MYL6B: variants seen among roughly 807,000 people sequenced by gnomAD.
MYL6B encodes myosin light chain 6B.
Under a neutral mutation model 24.5 loss-of-function variants are expected in MYL6B, and 19 were observed. The ratio of observed to expected loss-of-function variants is 0.78; its 90% CI spans 0.54 to 1.14. The LOEUF (loss-of-function observed/expected upper bound fraction) is 1.14, where lower values mean the gene tolerates loss of function less well. Ranked by LOEUF, MYL6B falls within the 50% of genes most tolerant of loss-of-function variation. The pLI is 0.00. For synonymous variants in MYL6B, 90 were observed against 100.7 expected (o/e 0.89, Z 0.64); for missense variants, 230 against 263.8 (o/e 0.87, Z 0.89).
exon 4 of MYL6B, chr12:56,155,155 C>T (rs1355560307): frequency 6.2e-7 from 1 of 1,613,748 alleles, no homozygotes; most frequent in African/African-American, 1.3e-5. Flanking sequence ...AGAACCCCAC[C>T]AACGCCGAGG....
At chr12:56,155,771 G>T (rs1258583780) in intron 5 of MYL6B, 179 bp downstream of exon 5, 2 of 1,520,982 alleles carry the variant, frequency 1.3e-6, no homozygotes, top group Admixed American at 4.1e-5. Context: ...TCTTCCAGAG[G>T]CTAAAGTGCC....
intron 5 of MYL6B, chr12:56,156,177 G>A (rs927692089): frequency 5.1e-5 from 13 of 254,974 alleles, no homozygotes; most frequent in Admixed American, 2.7e-4. Flanking sequence ...ATGGTGGCAC[G>A]CACCTATAAT....
intron 5 of MYL6B, chr12:56,156,163 G>A (rs1292396603): frequency 2.2e-5 from 7 of 315,190 alleles, no homozygotes; most frequent in Non-Finnish European, 3.3e-5. Flanking sequence ...AAAACTAGGC[G>A]GGCATGGTGG....
chr12:56,157,741 G>C lies in MYL6B; in HGVS notation c.*15G>C, dbSNP rs1450999852. On this transcript the variant is annotated 3_prime_UTR_variant, in exon 7 of 7. Transcript: ENST00000553066. Reference sequence around the variant, plus strand: ...TAAGCGTCTGAGTGCTGCAGGTAGGGCCCTCCCACCCCTTCGCCGCGCCTT... The same window carrying C: ...TAAGCGTCTGAGTGCTGCAGGTAGGCCCCTCCCACCCCTTCGCCGCGCCTT... 1 of 1,610,626 alleles carries C rather than the reference G, an allele frequency of 6.2e-7. No homozygotes were observed. Among genetic ancestry groups the C allele is most frequent in the Admixed American group, 1.7e-5 (1 of 59,988 alleles).
At chr12:56,153,374 G>A (rs1291958148) in intron 1 of MYL6B, 3 of 967,850 alleles carry the variant, frequency 3.1e-6, no homozygotes, top group Non-Finnish European at 3.7e-6. Context: ...AGACTCTAAG[G>A]TTAACTACCC....
exon 7 of MYL6B, chr12:56,157,799 A>G (rs2136909037): frequency 6.4e-7 from 1 of 1,565,338 alleles, no homozygotes; most frequent in African/African-American, 1.3e-5. Flanking sequence ...CTCTCAGCCA[A>G]CATAGAAAAG....
chr12:56,153,706 G>C (rs1324136039), intron 1 of MYL6B, 167 bp from the exon 2 acceptor site: 2 of 513,694 alleles, frequency 3.9e-6, no homozygotes, highest in African/African-American at 3.8e-5. Flanking sequence ...GGGGATAAGG[G>C]GACAGAGGGA....
At position 56,153,952 on chromosome 12, in the gene MYL6B, C is replaced by T. The variant is rs369173384; in HGVS notation, c.34C>T (p.Pro12Ser). The T allele has an allele frequency of 2.0e-5, 32 of 1,613,664 alleles. No homozygotes were observed. The African/African-American group carries it at 3.9e-4, about 20-fold the overall frequency. The change falls in exon 2 of 7, where the codon CCA becomes TCA. Residue 12 changes from proline (P) to serine (S), a missense_variant. Coordinates refer to ENST00000553066, the Ensembl canonical transcript of MYL6B. ...CAAGAAGGATGTTCCCGTGAAGAAA[C>T]CAGCAGGGCCCTCCATCTCCAAACC...
intron 5 of MYL6B, chr12:56,155,844 T>TGTGGGTTGTGTGTTCTG (rs1321163799): frequency 4.1e-5 from 57 of 1,381,440 alleles, no homozygotes; most frequent in Non-Finnish European, 4.8e-5. Context: ...GGAAGAGACG[T>TGTGGGTTGTGTGTTCTG]GTGGGTTGTG....
At chr12:56,157,606 C>T (rs1871383193) in intron 6 of MYL6B, 61 bp downstream of exon 6, 5 of 1,612,868 alleles carry the variant, frequency 3.1e-6, no homozygotes, top group Non-Finnish European at 2.5e-6. Flanking sequence ...CGTCTTGCCG[C>T]GTGTGGGCGG....
At chr12:56,157,329 A>C in intron 5 of MYL6B, 139 bp from the exon 6 acceptor site, 1 of 731,246 alleles carries the variant, frequency 1.4e-6, no homozygotes, top group Non-Finnish European at 2.3e-6. Context: ...GGTTGCAGTG[A>C]GCCGAGATCG....
At position 56,157,868 on chromosome 12, in the gene MYL6B, G is replaced by C; in HGVS notation, c.*142G>C. 9.5e-7 allele frequency: 1 copy of C among 1,050,906 alleles called. No individual in the cohort carries two copies. Among genetic ancestry groups the C allele is most frequent in the Non-Finnish European group, 1.4e-6 (1 of 729,872 alleles). 65.1% of individuals were successfully genotyped at this position (1,050,906 alleles called of 1,614,324 possible). On this transcript the variant is annotated 3_prime_UTR_variant, in exon 7 of 7. Coordinates refer to ENST00000553066, the Ensembl canonical transcript of MYL6B. ...CGGGCTCCAGCGCTTCGCAACTTTG[G>C]TTTTTTTCCACAGATCCAGTGGGGT... is the stretch of plus-strand genomic sequence containing the variant.
intron 2 of MYL6B, among the ~76,000 whole-genome samples, chr12:56,154,493 A>C (rs188715706): frequency 6.6e-6 from 1 of 152,318 alleles, no homozygotes; most frequent in East Asian, 1.9e-4. Flanking sequence ...GACTTGTTAG[A>C]CAATCACAGC....
At position 56,157,357 on chromosome 12, in the gene MYL6B, C is replaced by A. The variant is rs1240821185; in HGVS notation, c.521-111C>A. On this transcript the variant is annotated intron_variant, in intron 5 of 6. Coordinates refer to ENST00000553066, the Ensembl canonical transcript of MYL6B. Reference sequence around the variant, plus strand: ...CGAGATCGCTCCGCTCCACTGCACTCCAGCCTGAGCGACAGGAGCGAAACT... The same window carrying A: ...CGAGATCGCTCCGCTCCACTGCACTACAGCCTGAGCGACAGGAGCGAAACT... The A allele has an allele frequency of 2.9e-6, 3 of 1,042,500 alleles. No individual in the cohort carries two copies. In the African/African-American group the frequency reaches 4.8e-5, roughly 17 times the overall value. The allele number at this position is 1,042,500 out of a possible 1,614,324, so 64.6% of individuals were successfully genotyped here.
chr12:56,154,109 T>C lies in MYL6B; in HGVS notation c.174+17T>C. On this transcript the variant is annotated intron_variant, in intron 2 of 6. Coordinates refer to ENST00000553066, the Ensembl canonical transcript of MYL6B. ...AAAGTGGTGGTGAGTCTCTGGAAAG[T>C]GAAGATAGAATTGGAGGGGGTGGTT... 6.2e-7 allele frequency: 1 copy of C among 1,602,614 alleles called. No homozygotes were observed. Among genetic ancestry groups the C allele is most frequent in the Non-Finnish European group, 8.5e-7 (1 of 1,173,818 alleles).
At chr12:56,157,500 G>A (rs1388889545) in exon 6 of MYL6B, 1 of 1,614,088 alleles carries the variant, frequency 6.2e-7, no homozygotes, top group South Asian at 1.1e-5. Context: ...GGTGGAGACC[G>A]TTCTGGCAGG....
chr12:56,157,619 G>T (rs542296035), intron 6 of MYL6B, 74 bp downstream of exon 6: 2 of 1,612,732 alleles, frequency 1.2e-6, no homozygotes, highest in African/African-American at 1.3e-5. Context: ...GTGGGCGGGG[G>T]CACCCCTGGA....
chr12:56,156,720 G>A (rs1020716810), intron 5 of MYL6B, among the ~76,000 whole-genome samples: 6 of 151,892 alleles, frequency 4.0e-5, no homozygotes, highest in African/African-American at 1.5e-4. Context: ...AGACCAGCCT[G>A]GGCAACGTAG....
chr12:56,153,217 C>T (rs1339520387), intron 1 of MYL6B, among the ~76,000 whole-genome samples: 1 of 152,128 alleles, frequency 6.6e-6, no homozygotes, highest in South Asian at 2.1e-4. Flanking sequence ...TCTTTGCCCC[C>T]ACTCCTGCCC....
Sources: gnomAD v4.1 joint callset for allele counts (sites outside exome capture counted in the v4.1 genomes callset) on GRCh38, gnomAD v4.1.1 for gene constraint, MANE v1.5 for transcripts, NCBI Gene and HGNC (gene_info 2026-07-23, HGNC 2026-07-21) for gene names.